The following AMPH variants were observed in gnomAD, a reference collection of about 807,000 sequenced individuals.
AMPH encodes amphiphysin (Stiff-Mann syndrome with breast cancer 128kD autoantigen).
In AMPH, 49 loss-of-function variants were observed where a neutral mutation model predicts 99.1. That is an observed-to-expected ratio of 0.49 (90% confidence interval 0.39 to 0.63). The LOEUF (loss-of-function observed/expected upper bound fraction) is 0.63, where lower values mean the gene tolerates loss of function less well. Among genes scored for constraint, AMPH ranks in the 20% least tolerant of loss-of-function variants. AMPH has a pLI of 0.00. For missense variants in AMPH, 759 were observed against 863.4 expected (o/e 0.88, Z 1.52); for synonymous variants, 314 against 317.3 (o/e 0.99, Z 0.11).
chr7:38,562,498 G>A (rs1351008220), intron 1 of AMPH, among the ~76,000 whole-genome samples: 1 of 152,152 alleles, frequency 6.6e-6, no homozygotes, highest in Non-Finnish European at 1.5e-5. Flanking sequence ...AGGGAAGAAA[G>A]ACTTAAAGGC....
At chr7:38,433,849 C>T (rs920800654) in intron 12 of AMPH, among the ~76,000 whole-genome samples, 1 of 151,256 alleles carries the variant, frequency 6.6e-6, no homozygotes, top group African/African-American at 2.4e-5. Flanking sequence ...TCATGTTTAT[C>T]AGTCCTCAGG....
intron 5 of AMPH, among the ~76,000 whole-genome samples, chr7:38,479,372 T>C (rs1355966526): frequency 6.6e-6 from 1 of 152,058 alleles, no homozygotes; most frequent in Non-Finnish European, 1.5e-5. Flanking sequence ...GATGAAATAT[T>C]TTTTTTCAGA....
At chr7:38,438,127 A>G (rs1213353814) in intron 11 of AMPH, among the ~76,000 whole-genome samples, 3 of 152,220 alleles carry the variant, frequency 2.0e-5, no homozygotes, top group Non-Finnish European at 2.9e-5. Context: ...TGTAGTAAAC[A>G]TATTATACTT....
chr7:38,398,638 G>A (rs1461309298), intron 17 of AMPH, among the ~76,000 whole-genome samples: 1 of 152,074 alleles, frequency 6.6e-6, no homozygotes, highest in Non-Finnish European at 1.5e-5. Flanking sequence ...CACAAACAGG[G>A]TGACTACAGT....
At chr7:38,433,463 C>T (rs950276466) in intron 12 of AMPH, among the ~76,000 whole-genome samples, 1 of 152,042 alleles carries the variant, frequency 6.6e-6, no homozygotes. Flanking sequence ...CGGTGGCTCA[C>T]GCCTGTAATC....
intron 10 of AMPH, among the ~76,000 whole-genome samples, chr7:38,461,634 A>G (rs776969930): frequency 4.6e-5 from 7 of 152,216 alleles, no homozygotes; most frequent in Non-Finnish European, 7.3e-5. Context: ...AACTGAGGCT[A>G]TAAGAGTCCA....
chr7:38,437,639 A>AAAAAAAAAAAAAAAAAAAAAGAAAAG (rs765494380), intron 11 of AMPH, among the ~76,000 whole-genome samples: 6 of 96,724 alleles, frequency 6.2e-5, no homozygotes, highest in African/African-American at 1.3e-4. Context: ...AAAAAAAAAA[A>AAAAAAAAAAAAAAAAAAAAAGAAAAG]AAAAGAAAAG....
chr7:38,427,649 C>CTTTT (rs3056201), intron 14 of AMPH, among the ~76,000 whole-genome samples: 12,023 of 137,242 alleles, frequency 0.088, 1,100 homozygotes, highest in African/African-American at 0.21. Context: ...GATGCTGCTG[C>CTTTT]TTTTTTTTTT....
At chr7:38,525,807 C>T (rs1316915081) in intron 2 of AMPH, among the ~76,000 whole-genome samples, 1 of 152,120 alleles carries the variant, frequency 6.6e-6, no homozygotes, top group East Asian at 1.9e-4. Context: ...TACTAGTATT[C>T]CATAGTATGG....
chr7:38,492,294 C>G (rs1355735704), intron 4 of AMPH, among the ~76,000 whole-genome samples: 1 of 152,172 alleles, frequency 6.6e-6, no homozygotes, highest in Non-Finnish European at 1.5e-5. Context: ...AGACTTCATC[C>G]TCCTTGCTAA....
At chr7:38,406,744 CT>C (rs1785015857) in intron 17 of AMPH, among the ~76,000 whole-genome samples, 1 of 134,112 alleles carries the variant, frequency 7.5e-6, no homozygotes, top group African/African-American at 3.1e-5. Context: ...CTCTCTCTCT[CT>C]CTCTCTCTCT....
intron 2 of AMPH, among the ~76,000 whole-genome samples, chr7:38,534,676 C>A (rs944278436): frequency 1.1e-4 from 17 of 152,086 alleles, no homozygotes; most frequent in African/African-American, 4.1e-4. Flanking sequence ...GACCCTGTTT[C>A]AAAAACTAAA....
chr7:38,496,437 G>A (rs188070457), intron 3 of AMPH, among the ~76,000 whole-genome samples: 1 of 152,206 alleles, frequency 6.6e-6, no homozygotes, highest in East Asian at 1.9e-4. Flanking sequence ...CTGCCTACAT[G>A]AGCTGAAGAG....
chr7:38,526,962 G>C (rs1402604111), intron 2 of AMPH, among the ~76,000 whole-genome samples: 1 of 152,182 alleles, frequency 6.6e-6, no homozygotes, highest in African/African-American at 2.4e-5. Context: ...TTAGGTCAAA[G>C]TTCAGTTTTT....
chr7:38,584,046 C>T (rs1468573819), intron 1 of AMPH, among the ~76,000 whole-genome samples: 5 of 152,146 alleles, frequency 3.3e-5, no homozygotes, highest in Non-Finnish European at 7.4e-5. Flanking sequence ...TGCTTATAAC[C>T]AGTTTATTTT....
chr7:38,516,326 C>T (rs973578131), intron 2 of AMPH, among the ~76,000 whole-genome samples: 4 of 152,146 alleles, frequency 2.6e-5, no homozygotes, highest in Non-Finnish European at 4.4e-5. Context: ...TGAGCAGCCT[C>T]GGGACACTGC....
intron 20 of AMPH, among the ~76,000 whole-genome samples, chr7:38,386,303 C>T (rs1167861329): frequency 6.6e-6 from 1 of 152,100 alleles, no homozygotes; most frequent in Non-Finnish European, 1.5e-5. Flanking sequence ...TATAAAAGGT[C>T]ATTTTTCCCC....
chr7:38,435,902 G>A (rs999917602), intron 12 of AMPH, among the ~76,000 whole-genome samples: 1 of 152,322 alleles, frequency 6.6e-6, no homozygotes, highest in East Asian at 1.9e-4. Context: ...AAGGGAAGTA[G>A]AGAAAAGAGC....
At chr7:38,421,554 A>G (rs930526545) in intron 16 of AMPH, among the ~76,000 whole-genome samples, 4 of 152,272 alleles carry the variant, frequency 2.6e-5, no homozygotes, top group African/African-American at 9.6e-5. Context: ...CTTTGCAAAT[A>G]TATCAAACCA....
Sources: allele counts gnomAD v4.1 joint callset (sites outside exome capture counted in the v4.1 genomes callset), GRCh38; gene constraint gnomAD v4.1.1; transcripts MANE v1.5; gene names NCBI Gene and HGNC (gene_info 2026-07-23, HGNC 2026-07-21).